Variants in TSEN2 observed in about 807,000 individuals in gnomAD.
TSEN2 encodes the protein tRNA-splicing endonuclease subunit Sen2.
In TSEN2, 54 loss-of-function variants were observed where a neutral mutation model predicts 59.2. That is an observed-to-expected ratio of 0.91 (90% CI 0.73 to 1.14). The LOEUF (loss-of-function observed/expected upper bound fraction) is 1.14, where lower values mean the gene tolerates loss of function less well. Among genes scored for constraint, TSEN2 ranks in the 50% most tolerant of loss-of-function variants. TSEN2 has a pLI of 0.00. For missense variants in TSEN2, 636 were observed against 576.2 expected (o/e 1.10, Z -1.06); for synonymous variants, 195 against 198.2 (o/e 0.98, Z 0.14).
chr3:12,519,623 G>C (rs938899411), intron 8 of TSEN2, among the ~76,000 whole-genome samples: 2 of 152,138 alleles, frequency 1.3e-5, no homozygotes, highest in African/African-American at 4.8e-5. Flanking sequence ...GCGGGTGTCT[G>C]TAGTCCCAGC....
intron 6 of TSEN2, among the ~76,000 whole-genome samples, chr3:12,512,350 A>T (rs1284394044): frequency 1.3e-5 from 2 of 152,250 alleles, no homozygotes; most frequent in Admixed American, 6.5e-5. Context: ...TAGCACTCAC[A>T]TGAAAAAACA....
upstream of TSEN2, among the ~76,000 whole-genome samples, chr3:12,480,537 T>G (rs543293229): frequency 2.2e-3 from 306 of 142,168 alleles, 2 homozygotes; most frequent in Non-Finnish European, 3.3e-3. Flanking sequence ...TGTTTTTTTT[T>G]TTTTTTTTTT....
chr3:12,523,523 A>ATTTTTTTTTTTTTTTTTTT (rs1386382924), intron 8 of TSEN2, among the ~76,000 whole-genome samples: 11 of 51,052 alleles, frequency 2.2e-4, no homozygotes, highest in Non-Finnish European at 3.8e-4. Flanking sequence ...TTCCTCTTTG[A>ATTTTTTTTTTTTTTTTTTT]TTCTTTTTTT....
At chr3:12,487,921 T>A (rs1291606514) in intron 1 of TSEN2, among the ~76,000 whole-genome samples, 1 of 152,250 alleles carries the variant, frequency 6.6e-6, no homozygotes, top group Admixed American at 6.5e-5. Context: ...GAAATTAATC[T>A]AGCATGTTGC....
rs1181427974 is a variant in TSEN2, at chr3:12,484,489, G to A, written c.-409G>A. 6.6e-6 allele frequency: 1 copy of A among 152,052 alleles called. No individual in the cohort carries two copies. Among genetic ancestry groups the A allele is most frequent in the African/African-American group, 2.4e-5 (1 of 41,248 alleles). The allele number at this position is 152,052 out of a possible 1,614,324, so 9.4% of individuals were successfully genotyped here. A position where few individuals can be genotyped will look rare whatever the true frequency, so the allele number is the denominator to read the frequency against. On this transcript the variant is annotated 5_prime_UTR_variant, in exon 1 of 12. Transcript: ENST00000284995. The stretch of plus-strand genomic sequence containing the variant: ...CCGCCCCACGGCCGGCGTTGCCGGG[G>A]TAACGGCGAGCGCGTGGGGCCAAGA...
intron 6 of TSEN2, among the ~76,000 whole-genome samples, chr3:12,509,296 G>T (rs189188871): frequency 3.9e-5 from 6 of 151,950 alleles, no homozygotes; most frequent in South Asian, 2.1e-4. Flanking sequence ...TGCCTCCCGG[G>T]TTCAAGTGAT....
At chr3:12,503,825 G>T in intron 5 of TSEN2, 41 bp downstream of exon 5, 1 of 1,594,814 alleles carries the variant, frequency 6.3e-7, no homozygotes, top group East Asian at 2.3e-5. Context: ...AAAGCCATCC[G>T]TTCCTGGAGA....
At chr3:12,539,433 T>C (rs2057760039) in exon 11 of TSEN2, 2 of 215,510 alleles carry the variant, frequency 9.3e-6, no homozygotes, top group Admixed American at 1.1e-4. Context: ...TGCATCCAGC[T>C]CTTAGCATGT....
chr3:12,483,773 G>C (rs2052313101), upstream of TSEN2, among the ~76,000 whole-genome samples: 1 of 152,190 alleles, frequency 6.6e-6, no homozygotes, highest in East Asian at 1.9e-4. Context: ...TCCCCACAGG[G>C]CTCCTTTAAA....
chr3:12,504,330 C>G (rs2054596540), intron 5 of TSEN2, among the ~76,000 whole-genome samples: 1 of 151,884 alleles, frequency 6.6e-6, no homozygotes, highest in African/African-American at 2.4e-5. Context: ...ACCTGTAATC[C>G]CAGCACTTTG....
At chr3:12,485,707 A>C (rs2052547035) in intron 1 of TSEN2, among the ~76,000 whole-genome samples, 1 of 152,100 alleles carries the variant, frequency 6.6e-6, no homozygotes, top group Non-Finnish European at 1.5e-5. Flanking sequence ...TAATTTTCTT[A>C]ATCTGCATTT....
chr3:12,530,577 T>C, intron 10 of TSEN2: 1 of 985,510 alleles, frequency 1.0e-6, no homozygotes, highest in Non-Finnish European at 1.2e-6. Context: ...TACCCTCTAA[T>C]TTCATCCTCA....
At position 12,492,995 on chromosome 3, in the gene TSEN2, A is replaced by G. The variant is rs549148143; in HGVS notation, c.271+778A>G. Among the ~76,000 whole-genome samples the G allele has an allele frequency of 5.3e-5, 8 of 152,316 alleles. No individual in the cohort carries two copies. The South Asian group carries it at 1.7e-3, about 32-fold the overall frequency. On this transcript the variant is annotated intron_variant, in intron 3 of 11. Coordinates refer to ENST00000284995, the MANE Select transcript of TSEN2 (RefSeq NM_025265.4). ...ATGTTTTCTGTCTATGAATTTACCT[A>G]TTATAGATATTTCATATATAAATAA...
At chr3:12,534,068 A>G (rs1427971511), downstream of TSEN2, among the ~76,000 whole-genome samples, 1 of 152,090 alleles carries the variant, frequency 6.6e-6, no homozygotes, top group Non-Finnish European at 1.5e-5. Flanking sequence ...TCTCAGCTGA[A>G]ATGGCGCTAT....
downstream of TSEN2, among the ~76,000 whole-genome samples, chr3:12,535,962 C>T (rs2057665532): frequency 6.6e-6 from 1 of 152,188 alleles, no homozygotes; most frequent in Admixed American, 6.5e-5. Context: ...ATAATTACCA[C>T]CTCCTCAGTT....
At chr3:12,516,444 ATATGTGTGTGTGTGTGTGTGTG>A (rs974736746) in intron 6 of TSEN2, among the ~76,000 whole-genome samples, 145 bp from the exon 7 acceptor site, 3 of 51,566 alleles carry the variant, frequency 5.8e-5, no homozygotes, top group African/African-American at 2.6e-4. Flanking sequence ...CAAACAAAAT[ATATGTGTGTGTGTGTGTGTGTG>A]TGTGTGTGTG....
chr3:12,538,595 G>A (rs1254119311), downstream of TSEN2, among the ~76,000 whole-genome samples: 1 of 151,972 alleles, frequency 6.6e-6, no homozygotes, highest in African/African-American at 2.4e-5. Flanking sequence ...TTTCATTTTT[G>A]GAAATTAGAC....
At chr3:12,509,339 A>G (rs139992431) in intron 6 of TSEN2, among the ~76,000 whole-genome samples, 1 of 152,040 alleles carries the variant, frequency 6.6e-6, no homozygotes, top group East Asian at 1.9e-4. Context: ...AGCTGGAACT[A>G]CAGGCATGCA....
rs568885875 is a variant in TSEN2, at chr3:12,518,656, T to G, written c.961-403T>G. 4.6e-5 allele frequency among the ~76,000 whole-genome samples: 7 copies of G among 152,330 alleles called. No individual in the cohort carries two copies. In the South Asian group the frequency reaches 6.2e-4, roughly 14 times the overall value. ...GTATTTTAATACAGTATTACACAGTTTATTTAACCCAACTTATTCAAAGAT... is the reference window on the plus strand; with the variant it reads ...GTATTTTAATACAGTATTACACAGTGTATTTAACCCAACTTATTCAAAGAT... On this transcript the variant is annotated intron_variant, in intron 7 of 11. Coordinates refer to ENST00000284995, the MANE Select transcript of TSEN2 (RefSeq NM_025265.4).
Sources: gnomAD v4.1 joint callset for allele counts (sites outside exome capture counted in the v4.1 genomes callset) on GRCh38, gnomAD v4.1.1 for gene constraint, MANE v1.5 for transcripts, NCBI Gene and HGNC (gene_info 2026-07-23, HGNC 2026-07-21) for gene names.